Variants in FSTL5 observed in about 807,000 individuals in gnomAD.
FSTL5 encodes follistatin-related protein 5.
Under a neutral mutation model 89.1 loss-of-function variants are expected in FSTL5, and 62 were observed. That is an observed-to-expected ratio of 0.70 (90% confidence interval 0.57 to 0.86). FSTL5 has a LOEUF of 0.86. Ranked by LOEUF, FSTL5 falls within the 40% of genes least tolerant of loss-of-function variation. FSTL5 has a pLI of 0.00. For missense variants in FSTL5, 1,057 were observed against 1,001.6 expected, an observed-to-expected ratio of 1.06 and a Z score of -0.75; for synonymous variants, 383 against 346.2, an observed-to-expected ratio of 1.11 and a Z score of -1.18.
At chr4:162,105,463 A>T (rs1731188251) in intron 2 of FSTL5, among the ~76,000 whole-genome samples, 1 of 152,186 alleles carries the variant, frequency 6.6e-6, no homozygotes, top group South Asian at 2.1e-4. Flanking sequence ...AAATATACGG[A>T]ACTATTACAT....
At chr4:161,611,180 GTATATATGTGTATATGTGTA>G (rs1438697704) in intron 7 of FSTL5, among the ~76,000 whole-genome samples, 10 of 136,546 alleles carry the variant, frequency 7.3e-5, no homozygotes, top group Middle Eastern at 4.1e-3. Context: ...GTGTATATAT[GTATATATGTGTATATGTGTA>G]TATATATGTG....
At chr4:161,962,844 G>GT (rs1735220039) in intron 3 of FSTL5, among the ~76,000 whole-genome samples, 1 of 151,926 alleles carries the variant, frequency 6.6e-6, no homozygotes, top group Non-Finnish European at 1.5e-5. Context: ...TGAAGACACT[G>GT]TAAGGACTAA....
intron 4 of FSTL5, among the ~76,000 whole-genome samples, chr4:161,913,643 A>T (rs1733760296): frequency 2.6e-5 from 4 of 152,180 alleles, no homozygotes; most frequent in Admixed American, 2.6e-4. Context: ...GGGAGTCTGT[A>T]CCCTGCAAAG....
At chr4:161,607,712 T>G (rs1242714074) in intron 7 of FSTL5, among the ~76,000 whole-genome samples, 1 of 152,142 alleles carries the variant, frequency 6.6e-6, no homozygotes, top group Non-Finnish European at 1.5e-5. Flanking sequence ...AGCAAGCTGG[T>G]TTTTGTGCCG....
chr4:161,888,296 C>T (rs971872790), intron 4 of FSTL5, among the ~76,000 whole-genome samples: 2 of 152,008 alleles, frequency 1.3e-5, no homozygotes, highest in African/African-American at 4.8e-5. Context: ...CTTCATTTCC[C>T]TTGCCCATTC....
chr4:161,993,042 T>C (rs929816148), intron 3 of FSTL5, among the ~76,000 whole-genome samples: 1 of 149,594 alleles, frequency 6.7e-6, no homozygotes, highest in Non-Finnish European at 1.5e-5. Context: ...GGGCATATTG[T>C]TTCCTTTTAT....
At chr4:161,635,336 C>T (rs1285355731) in intron 7 of FSTL5, among the ~76,000 whole-genome samples, 4 of 152,106 alleles carry the variant, frequency 2.6e-5, no homozygotes, top group South Asian at 2.1e-4. Flanking sequence ...TCCAGTGAGC[C>T]GAGATGGCAT....
chr4:161,753,264 T>G (rs772661706), intron 6 of FSTL5, among the ~76,000 whole-genome samples: 12 of 152,150 alleles, frequency 7.9e-5, no homozygotes, highest in African/African-American at 2.4e-4. Flanking sequence ...TTTCCAAAAT[T>G]TAACTCAATG....
At chr4:161,493,252 G>C (rs1379634577) in intron 12 of FSTL5, among the ~76,000 whole-genome samples, 1 of 151,606 alleles carries the variant, frequency 6.6e-6, no homozygotes, top group Non-Finnish European at 1.5e-5. Context: ...GAAAGAAAAA[G>C]TTATTAGAAT....
At chr4:161,980,037 C>A (rs1578913928) in intron 3 of FSTL5, among the ~76,000 whole-genome samples, 4 of 76,966 alleles carry the variant, frequency 5.2e-5, no homozygotes, top group African/African-American at 1.1e-4. Flanking sequence ...AATAAAAATA[C>A]AAAATGAAGG....
In FSTL5 at chr4:161,519,841, T is replaced by C. The variant is rs138050878; in HGVS notation, c.1313-9417A>G. On this transcript the variant is annotated intron_variant, in intron 10 of 15. Coordinates refer to ENST00000306100, the MANE Select transcript of FSTL5 (RefSeq NM_020116.5). ...CATTTTAAGTATGTGGCAAGCAAAG[T>C]TGCTTCTTCTTTTGGTTTAACTTCC... is the stretch of plus-strand genomic sequence containing the variant. 2.9e-3 allele frequency among the ~76,000 whole-genome samples: 447 copies of C among 152,222 alleles called. 3 individuals carry two copies. The highest frequency in any genetic ancestry group is 0.014 in the Middle Eastern group (4 of 294).
At chr4:161,905,957 A>G (rs1733510431) in intron 4 of FSTL5, among the ~76,000 whole-genome samples, 1 of 152,238 alleles carries the variant, frequency 6.6e-6, no homozygotes, top group South Asian at 2.1e-4. Context: ...TATAAAAGAC[A>G]TAAATTTTAG....
chr4:161,900,626 G>A (rs1314149174), intron 4 of FSTL5, among the ~76,000 whole-genome samples: 5 of 108,062 alleles, frequency 4.6e-5, no homozygotes, highest in Admixed American at 1.4e-4. Context: ...GTGACAGAGC[G>A]AGACTCCATC....
chr4:161,771,979 A>T lies in FSTL5; in HGVS notation c.606+3899T>A, dbSNP rs28370456. Reference sequence around the variant, plus strand: ...GGATTGAATGAGATCTATTTCTATAACTGGTCAGTTCATTTTAGCAGACCT... The same window carrying T: ...GGATTGAATGAGATCTATTTCTATATCTGGTCAGTTCATTTTAGCAGACCT... On this transcript the variant is annotated intron_variant, in intron 5 of 15. Transcript: ENST00000306100. Among the ~76,000 whole-genome samples the T allele has an allele frequency of 1.7e-3, 261 of 152,216 alleles. 1 individual carries two copies. The highest frequency in any genetic ancestry group is 6.2e-3 in the African/African-American group (256 of 41,556).
intron 5 of FSTL5, among the ~76,000 whole-genome samples, chr4:161,769,423 C>T (rs566990356): frequency 1.3e-4 from 20 of 151,838 alleles, no homozygotes; most frequent in South Asian, 1.2e-3. Context: ...TAAACATTGA[C>T]GCAAAAGTCC....
At position 161,839,798 on chromosome 4, in the gene FSTL5, G is replaced by A. The variant is rs359121; in HGVS notation, c.410-63724C>T. Among the ~76,000 whole-genome samples the A allele has an allele frequency of 2.4e-3, 363 of 152,232 alleles. 1 individual carries two copies. Among genetic ancestry groups the A allele is most frequent in the African/African-American group, 8.3e-3 (344 of 41,548 alleles). ...TTGATTGGAGTGGTGATTACATAGTGTATGCATTTGCTAAAATTCAAAGGA... is the reference window on the plus strand; with the variant it reads ...TTGATTGGAGTGGTGATTACATAGTATATGCATTTGCTAAAATTCAAAGGA... On this transcript the variant is annotated intron_variant, in intron 4 of 15. Transcript: ENST00000306100.
chr4:161,572,318 T>TCAAAAA (rs1491510271), intron 8 of FSTL5, among the ~76,000 whole-genome samples: 1 of 64,060 alleles, frequency 1.6e-5, no homozygotes, highest in African/African-American at 6.5e-5. Context: ...AGACTCCGTC[T>TCAAAAA]AAAAAAAAAA....
At chr4:161,676,141 T>A (rs62330772) in intron 6 of FSTL5, among the ~76,000 whole-genome samples, 5,604 of 152,172 alleles carry the variant, frequency 0.037, 148 homozygotes, top group Non-Finnish European at 0.048. Flanking sequence ...ACATAAAATG[T>A]TTAGTAGGCA....
intron 10 of FSTL5, among the ~76,000 whole-genome samples, chr4:161,533,722 T>C (rs1047511349): frequency 3.9e-5 from 6 of 152,106 alleles, no homozygotes; most frequent in Non-Finnish European, 2.9e-5. Flanking sequence ...TAACTTATTC[T>C]ATGAAGCCAC....
Sources: gnomAD v4.1 joint callset for allele counts (sites outside exome capture counted in the v4.1 genomes callset) on GRCh38, gnomAD v4.1.1 for gene constraint, MANE v1.5 for transcripts, NCBI Gene and HGNC (gene_info 2026-07-23, HGNC 2026-07-21) for gene names.